The following CFTR variants were observed in gnomAD, a reference collection of about 807,000 sequenced individuals.
The protein encoded by CFTR is cystic fibrosis transmembrane conductance regulator.
A neutral mutation model predicts 171.6 loss-of-function variants in CFTR; 181 were observed. The observed-to-expected ratio is 1.05, with a 90% CI of 0.93 to 1.19. CFTR has a LOEUF of 1.19. Ranked by LOEUF, CFTR falls within the 50% of genes most tolerant of loss-of-function variation. CFTR has a pLI of 0.00. For synonymous variants in CFTR, 583 were observed against 608.0 expected, an observed-to-expected ratio of 0.96 and a Z score of 0.60; for missense variants, 1,968 against 1,734.7, an observed-to-expected ratio of 1.13 and a Z score of -2.39.
intron 9 of CFTR, 64 bp from the exon 10 acceptor site, chr7:117,548,551 GTACATAAAACAAGCATCTATTGAAAA>G (rs1419316613): frequency 1.9e-6 from 3 of 1,547,730 alleles, no homozygotes; most frequent in African/African-American, 2.8e-5. Flanking sequence ...CAAACTAATT[GTACATAAAACAAGCATCTATTGAAAA>G]TATCTGACAA....
At chr7:117,538,835 A>G (rs1799000046) in intron 7 of CFTR, among the ~76,000 whole-genome samples, 1 of 152,220 alleles carries the variant, frequency 6.6e-6, no homozygotes, top group Non-Finnish European at 1.5e-5. Context: ...AGTTACTGAA[A>G]TTGGTAAACA....
At chr7:117,617,137 T>A (rs1792503366) in intron 21 of CFTR, among the ~76,000 whole-genome samples, 1 of 152,194 alleles carries the variant, frequency 6.6e-6, no homozygotes, top group African/African-American at 2.4e-5. Flanking sequence ...ACAAGGTGTT[T>A]AGTTTGATGT....
intron 3 of CFTR, among the ~76,000 whole-genome samples, chr7:117,520,030 T>G (rs1798661850): frequency 6.6e-6 from 1 of 151,982 alleles, no homozygotes; most frequent in South Asian, 2.1e-4. Flanking sequence ...AATAAAGTTT[T>G]AAAAATGCCA....
intron 23 of CFTR, among the ~76,000 whole-genome samples, chr7:117,650,047 C>A (rs1277601371): frequency 6.6e-6 from 1 of 151,990 alleles, no homozygotes; most frequent in African/African-American, 2.4e-5. Context: ...TGGAGAAGGG[C>A]ACTAAATGAG....
chr7:117,529,514 A>C (rs911994213), intron 3 of CFTR, among the ~76,000 whole-genome samples: 2 of 36,406 alleles, frequency 5.5e-5, no homozygotes, highest in African/African-American at 1.1e-3. Flanking sequence ...CTTAGAGTAT[A>C]AAAAAAAAAA....
intron 10 of CFTR, among the ~76,000 whole-genome samples, chr7:117,550,399 C>T (rs1383373173): frequency 1.3e-5 from 2 of 151,504 alleles, no homozygotes; most frequent in African/African-American, 2.4e-5. Flanking sequence ...CAGTTGTTTT[C>T]CTACATACGA....
At chr7:117,489,301 T>C (rs1185480472) in intron 1 of CFTR, among the ~76,000 whole-genome samples, 1 of 152,096 alleles carries the variant, frequency 6.6e-6, no homozygotes, top group African/African-American at 2.4e-5. Flanking sequence ...ACTAAAACTT[T>C]AATTACGATG....
chr7:117,606,794 A>T (rs1277782798), intron 18 of CFTR, 41 bp downstream of exon 18: 1 of 1,094,462 alleles, frequency 9.1e-7, no homozygotes, highest in African/African-American at 1.5e-5. Flanking sequence ...CTGTATTATT[A>T]AAAAAACAAT....
intron 10 of CFTR, among the ~76,000 whole-genome samples, chr7:117,553,036 C>T (rs1248650016): frequency 6.6e-6 from 1 of 152,058 alleles, no homozygotes; most frequent in Non-Finnish European, 1.5e-5. Context: ...AGACCCTCAC[C>T]CCTTTCTGCC....
chr7:117,530,554 A>G (rs1324822195), intron 3 of CFTR, among the ~76,000 whole-genome samples: 1 of 152,214 alleles, frequency 6.6e-6, no homozygotes, highest in African/African-American at 2.4e-5. Context: ...GTTATGAAAA[A>G]TAAAAAAGGG....
chr7:117,607,084 T>C (rs1255193457), intron 18 of CFTR, among the ~76,000 whole-genome samples: 1 of 152,000 alleles, frequency 6.6e-6, no homozygotes, highest in Non-Finnish European at 1.5e-5. Flanking sequence ...CATCACTATT[T>C]GATGGAAGCC....
At chr7:117,582,346 A>G (rs2116002845) in intron 11 of CFTR, among the ~76,000 whole-genome samples, 1 of 152,280 alleles carries the variant, frequency 6.6e-6, no homozygotes, top group East Asian at 1.9e-4. Flanking sequence ...CAACCACTAC[A>G]AGCACAGTTT....
At chr7:117,657,226 G>A (rs900110400) in intron 24 of CFTR, among the ~76,000 whole-genome samples, 1 of 152,020 alleles carries the variant, frequency 6.6e-6, no homozygotes, top group Non-Finnish European at 1.5e-5. Flanking sequence ...AGAACCTGTG[G>A]TTATGATTTT....
intron 3 of CFTR, among the ~76,000 whole-genome samples, chr7:117,518,696 G>T (rs1392323389): frequency 1.3e-5 from 2 of 151,508 alleles, no homozygotes; most frequent in Admixed American, 6.6e-5. Flanking sequence ...CTCCCGAAGT[G>T]CTGGGATTTC....
chr7:117,598,121 C>A (rs1792165958), intron 15 of CFTR, among the ~76,000 whole-genome samples: 1 of 152,176 alleles, frequency 6.6e-6, no homozygotes, highest in African/African-American at 2.4e-5. Flanking sequence ...CAGGATAAGA[C>A]AGAGATCCAG....
chr7:117,532,994 G>C (rs1045479203), intron 4 of CFTR, among the ~76,000 whole-genome samples: 3 of 152,102 alleles, frequency 2.0e-5, no homozygotes, highest in African/African-American at 7.2e-5. Context: ...GCTCTTCTCT[G>C]CTTTGTTCCA....
chr7:117,515,188 C>T (rs1282170562), intron 3 of CFTR, among the ~76,000 whole-genome samples: 1 of 152,056 alleles, frequency 6.6e-6, no homozygotes, highest in African/African-American at 2.4e-5. Flanking sequence ...GCTTTTTTTG[C>T]AATTGCTTTT....
intron 1 of CFTR, among the ~76,000 whole-genome samples, chr7:117,494,725 C>A (rs1025668449): frequency 6.6e-6 from 1 of 151,900 alleles, no homozygotes; most frequent in African/African-American, 2.4e-5. Flanking sequence ...GAGGAAATAC[C>A]AAATAAATGG....
At chr7:117,544,095 T>A (rs1306586675) in intron 9 of CFTR, among the ~76,000 whole-genome samples, 3 of 152,210 alleles carry the variant, frequency 2.0e-5, no homozygotes, top group Non-Finnish European at 2.9e-5. Context: ...GAACTCCTCC[T>A]GATTTAACCT....
Sources: allele counts gnomAD v4.1 joint callset (sites outside exome capture counted in the v4.1 genomes callset), GRCh38; gene constraint gnomAD v4.1.1; transcripts MANE v1.5; gene names NCBI Gene and HGNC (gene_info 2026-07-23, HGNC 2026-07-21).